The following SNX9 variants were observed in gnomAD, a reference collection of about 807,000 sequenced individuals.
SNX9 encodes the protein sorting nexin-9.
A neutral mutation model predicts 89.4 loss-of-function variants in SNX9; 44 were observed. The ratio of observed to expected loss-of-function variants is 0.49; its 90% CI spans 0.39 to 0.63. SNX9 has a LOEUF of 0.63. Among genes scored for constraint, SNX9 ranks in the 30% least tolerant of loss-of-function variants. The pLI is 0.00. For missense variants in SNX9, 578 were observed against 736.1 expected (o/e 0.79, Z 2.49); for synonymous variants, 236 against 247.8 (o/e 0.95, Z 0.45).
chr6:157,869,616 T>G (rs548461503), intron 2 of SNX9, among the ~76,000 whole-genome samples: 2 of 152,268 alleles, frequency 1.3e-5, no homozygotes, highest in South Asian at 4.1e-4. Flanking sequence ...CTCATCCTCT[T>G]GCCTGGACCA....
chr6:157,864,304 C>T (rs566675502), intron 1 of SNX9, among the ~76,000 whole-genome samples: 33 of 152,284 alleles, frequency 2.2e-4, no homozygotes, highest in Admixed American at 9.1e-4. Flanking sequence ...GTGACCTAAA[C>T]GCCCCCCATT....
intron 1 of SNX9, among the ~76,000 whole-genome samples, chr6:157,861,985 G>A (rs186179843): frequency 6.6e-4 from 100 of 152,336 alleles, no homozygotes; most frequent in African/African-American, 2.3e-3. Context: ...TGTCTATGGT[G>A]TAGAGATGCT....
At chr6:157,894,895 G>C (rs769951140) in intron 4 of SNX9, among the ~76,000 whole-genome samples, 1 of 152,180 alleles carries the variant, frequency 6.6e-6, no homozygotes, top group Admixed American at 6.5e-5. Context: ...CAGGATGGCT[G>C]ATTAATAGAA....
chr6:157,872,849 C>T (rs531819036), intron 2 of SNX9: 1 of 308,626 alleles, frequency 3.2e-6, no homozygotes, highest in African/African-American at 2.2e-5. Flanking sequence ...AGATGAGGGT[C>T]ATCTAATCAT....
chr6:157,881,309 T>C (rs1164804663), intron 4 of SNX9, among the ~76,000 whole-genome samples: 3 of 152,192 alleles, frequency 2.0e-5, no homozygotes, highest in African/African-American at 7.2e-5. Flanking sequence ...TTAATTGACA[T>C]GTTTTATGTG....
At chr6:157,924,679 C>T (rs953104157) in intron 10 of SNX9, 3 of 152,264 alleles carry the variant, frequency 2.0e-5, no homozygotes, top group African/African-American at 2.4e-5. Context: ...GTGTGTAAGC[C>T]GAAGTAAATC....
chr6:157,826,841 T>TTTTATATATAAATA, intron 1 of SNX9, among the ~76,000 whole-genome samples: 2 of 70,302 alleles, frequency 2.8e-5, no homozygotes, highest in South Asian at 3.6e-4. Flanking sequence ...TATATATATA[T>TTTTATATATAAATA]TATATTTTAT....
At chr6:157,864,798 GGC>G (rs1413122752) in intron 1 of SNX9, among the ~76,000 whole-genome samples, 1 of 152,144 alleles carries the variant, frequency 6.6e-6, no homozygotes, top group East Asian at 1.9e-4. Context: ...GGGAGGCCGA[GGC>G]GGGCAGATCA....
At chr6:157,910,140 T>A in intron 9 of SNX9, 115 bp downstream of exon 9, 3 of 786,936 alleles carry the variant, frequency 3.8e-6, no homozygotes, top group African/African-American at 1.7e-5. Context: ...GATGCAGGAG[T>A]TGGAAACAGT....
In SNX9 at chr6:157,873,088, TG is replaced by T. The variant is rs1782447999; in HGVS notation, c.100-12del. On this transcript the variant is annotated splice_polypyrimidine_tract_variant and intron_variant, in intron 2 of 17. Coordinates refer to ENST00000392185, the MANE Select transcript of SNX9 (RefSeq NM_016224.5). ...AATCTTTTTCTTTTTTTTTTTTTTT[TG>T]GTGACTTATTAGGATGTAGGTGGAG... 1.8e-5 allele frequency: 28 copies of T among 1,533,470 alleles called. No homozygotes were observed. The highest frequency in any genetic ancestry group is 1.8e-4 in the Middle Eastern group (1 of 5,586). 95.0% of individuals were successfully genotyped at this position (1,533,470 alleles called of 1,614,324 possible). A position where few individuals can be genotyped will look rare whatever the true frequency, so the allele number is the denominator to read the frequency against.
chr6:157,886,491 A>G (rs1365074422), intron 4 of SNX9, among the ~76,000 whole-genome samples: 1 of 152,216 alleles, frequency 6.6e-6, no homozygotes, highest in Non-Finnish European at 1.5e-5. Context: ...TCTTTACACT[A>G]GGTGTCTTAT....
chr6:157,903,793 T>C (rs1262876147), intron 6 of SNX9, among the ~76,000 whole-genome samples: 1 of 152,182 alleles, frequency 6.6e-6, no homozygotes, highest in Non-Finnish European at 1.5e-5. Flanking sequence ...TGTTGGAACC[T>C]CAGTTTCTTC....
chr6:157,918,185 T>A (rs546011733), intron 9 of SNX9, among the ~76,000 whole-genome samples: 2 of 152,304 alleles, frequency 1.3e-5, no homozygotes, highest in Non-Finnish European at 2.9e-5. Context: ...TCTAGTTCTA[T>A]CAATTATTGA....
chr6:157,931,564 G>C (rs1316323949), intron 12 of SNX9, among the ~76,000 whole-genome samples: 2 of 152,116 alleles, frequency 1.3e-5, no homozygotes, highest in African/African-American at 4.8e-5. Flanking sequence ...AAACCTTAGG[G>C]GTCATTTATT....
At chr6:157,921,408 CT>C (rs2115191735) in intron 9 of SNX9, 122 bp from the exon 10 acceptor site, 3 of 969,626 alleles carry the variant, frequency 3.1e-6, no homozygotes, top group Non-Finnish European at 4.4e-6. Context: ...CATGGTTTAC[CT>C]TTTGCTAAAT....
At chr6:157,905,821 C>T (rs953568415) in intron 6 of SNX9, among the ~76,000 whole-genome samples, 3 of 152,244 alleles carry the variant, frequency 2.0e-5, no homozygotes, top group South Asian at 2.1e-4. Flanking sequence ...ACTAGGGGGG[C>T]GTTTTTTCAG....
At chr6:157,914,789 T>C (rs1226132890) in intron 9 of SNX9, among the ~76,000 whole-genome samples, 1 of 152,182 alleles carries the variant, frequency 6.6e-6, no homozygotes, top group Non-Finnish European at 1.5e-5. Flanking sequence ...GTTACTTTCT[T>C]AACAGTGTCT....
chr6:157,859,056 A>G (rs192275473), intron 1 of SNX9, among the ~76,000 whole-genome samples: 86 of 152,276 alleles, frequency 5.6e-4, no homozygotes, highest in African/African-American at 1.9e-3. Context: ...GGTTTTACAC[A>G]TTTCTTAAGT....
chr6:157,847,143 C>T (rs1781820710), intron 1 of SNX9, among the ~76,000 whole-genome samples: 1 of 152,136 alleles, frequency 6.6e-6, no homozygotes, highest in Non-Finnish European at 1.5e-5. Flanking sequence ...GGCTCTGTCT[C>T]CCAAGCTAGA....
Sources: allele counts gnomAD v4.1 joint callset (sites outside exome capture counted in the v4.1 genomes callset), GRCh38; gene constraint gnomAD v4.1.1; transcripts MANE v1.5; gene names NCBI Gene and HGNC (gene_info 2026-07-23, HGNC 2026-07-21).